MCC: variants seen among roughly 807,000 people sequenced by gnomAD.
MCC encodes the protein colorectal mutant cancer protein.
In MCC, 90 loss-of-function variants were observed where a neutral mutation model predicts 116.2. The ratio of observed to expected loss-of-function variants is 0.77; its 90% CI spans 0.65 to 0.92. MCC has a LOEUF of 0.92. Among genes scored for constraint, MCC ranks in the 40% least tolerant of loss-of-function variants. The probability of loss-of-function intolerance (pLI) is 0.00; values close to 1 mark genes in which losing one functional copy is unlikely to be tolerated. For synonymous variants in MCC, 578 were observed against 510.5 expected, an observed-to-expected ratio of 1.13 and a Z score of -1.78; for missense variants, 1,516 against 1,312.2, an observed-to-expected ratio of 1.16 and a Z score of -2.40.
At chr5:113,110,036 A>AACG (rs1370500919) in intron 6 of MCC, among the ~76,000 whole-genome samples, 3 of 151,808 alleles carry the variant, frequency 2.0e-5, no homozygotes, top group Non-Finnish European at 2.9e-5. Flanking sequence ...CCAGGCTAGG[A>AACG]ACGAACTCCT....
intron 8 of MCC, among the ~76,000 whole-genome samples, chr5:113,088,619 G>A (rs967606207): frequency 5.9e-5 from 9 of 151,932 alleles, no homozygotes; most frequent in African/African-American, 2.2e-4. Flanking sequence ...AGGGAAGAAG[G>A]TCCTGTGAAG....
chr5:113,086,904 C>T (rs1207585862), intron 8 of MCC, among the ~76,000 whole-genome samples: 2 of 152,210 alleles, frequency 1.3e-5, no homozygotes, highest in Non-Finnish European at 2.9e-5. Flanking sequence ...TCTGATTTAG[C>T]AGGGTCTGGA....
chr5:113,243,170 TTTTTG>T (rs962602248), intron 3 of MCC, among the ~76,000 whole-genome samples: 1 of 152,126 alleles, frequency 6.6e-6, no homozygotes, highest in Non-Finnish European at 1.5e-5. Context: ...GTTTTTGTTT[TTTTTG>T]TTTTGTTTTG....
chr5:113,223,258 T>C (rs1211362370), intron 3 of MCC, among the ~76,000 whole-genome samples: 1 of 152,214 alleles, frequency 6.6e-6, no homozygotes. Context: ...ATAAGCATGT[T>C]CTGTTTGTGA....
intron 11 of MCC, among the ~76,000 whole-genome samples, chr5:113,081,166 A>C (rs1261514566): frequency 1.3e-5 from 2 of 152,210 alleles, no homozygotes; most frequent in African/African-American, 4.8e-5. Flanking sequence ...AGCAGACATC[A>C]GGATATACTG....
At chr5:113,087,417 C>A (rs141120463) in intron 8 of MCC, among the ~76,000 whole-genome samples, 1 of 152,122 alleles carries the variant, frequency 6.6e-6, no homozygotes, top group Non-Finnish European at 1.5e-5. Flanking sequence ...AAAATATATC[C>A]CTGTAGAAGC....
intron 3 of MCC, among the ~76,000 whole-genome samples, chr5:113,175,194 C>T (rs148512196): frequency 2.3e-4 from 35 of 152,232 alleles, no homozygotes; most frequent in African/African-American, 7.9e-4. Context: ...AATAAATAGA[C>T]ATGTCAATAA....
chr5:113,089,932 C>T (rs1461591260), intron 8 of MCC, among the ~76,000 whole-genome samples: 3 of 152,212 alleles, frequency 2.0e-5, no homozygotes, highest in South Asian at 2.1e-4. Context: ...TGACAATGTC[C>T]GGAGCTGACA....
chr5:113,076,306 G>C (rs749633430), intron 11 of MCC, among the ~76,000 whole-genome samples: 4 of 152,020 alleles, frequency 2.6e-5, no homozygotes, highest in Non-Finnish European at 5.9e-5. Flanking sequence ...GAAATACAGA[G>C]AACACCACAA....
At chr5:113,386,569 T>C (rs1205673259) in intron 1 of MCC, among the ~76,000 whole-genome samples, 3 of 152,048 alleles carry the variant, frequency 2.0e-5, no homozygotes, top group East Asian at 3.8e-4. Flanking sequence ...CTCTTTATGG[T>C]GTTTCTAAAT....
At chr5:113,389,387 G>A (rs1183972866) in intron 1 of MCC, among the ~76,000 whole-genome samples, 2 of 152,044 alleles carry the variant, frequency 1.3e-5, no homozygotes, top group Non-Finnish European at 2.9e-5. Flanking sequence ...AAAATGTGGC[G>A]GAAATAAAAT....
intron 5 of MCC, among the ~76,000 whole-genome samples, chr5:113,129,377 C>A (rs1758292849): frequency 6.6e-6 from 1 of 152,198 alleles, no homozygotes; most frequent in Non-Finnish European, 1.5e-5. Context: ...TTTAAGAAAT[C>A]ATTGGTGATT....
intron 1 of MCC, among the ~76,000 whole-genome samples, chr5:113,467,837 C>G (rs1580414706): frequency 6.6e-6 from 1 of 152,066 alleles, no homozygotes; most frequent in East Asian, 1.9e-4. Context: ...TCTTGCATTT[C>G]TTTGTATCCT....
At chr5:113,152,306 G>A (rs555022341) in intron 3 of MCC, among the ~76,000 whole-genome samples, 7 of 152,238 alleles carry the variant, frequency 4.6e-5, no homozygotes, top group African/African-American at 1.7e-4. Context: ...TCAGGCCGAC[G>A]GATGGAACTA....
At chr5:113,245,494 T>C (rs1764540504) in intron 3 of MCC, among the ~76,000 whole-genome samples, 1 of 151,992 alleles carries the variant, frequency 6.6e-6, no homozygotes, top group Non-Finnish European at 1.5e-5. Context: ...AAGTAGAATT[T>C]AGTCCTTGCC....
At chr5:113,183,135 T>C (rs771115722) in intron 3 of MCC, among the ~76,000 whole-genome samples, 3 of 152,104 alleles carry the variant, frequency 2.0e-5, no homozygotes, top group Admixed American at 1.3e-4. Flanking sequence ...CCTCACGCAG[T>C]GGGGGCTCCA....
At chr5:113,486,720 G>A (rs994209734) in intron 1 of MCC, among the ~76,000 whole-genome samples, 5 of 151,976 alleles carry the variant, frequency 3.3e-5, no homozygotes, top group African/African-American at 1.2e-4. Flanking sequence ...GTGGGCACCT[G>A]TAATCCCAGC....
intron 8 of MCC, among the ~76,000 whole-genome samples, chr5:113,098,195 C>T (rs1248260290): frequency 2.6e-5 from 4 of 152,176 alleles, no homozygotes; most frequent in Non-Finnish European, 5.9e-5. Flanking sequence ...TTTGCCACAT[C>T]ATGGCTGACT....
intron 2 of MCC, among the ~76,000 whole-genome samples, chr5:113,378,861 T>C (rs762787357): frequency 2.0e-5 from 3 of 152,242 alleles, no homozygotes; most frequent in African/African-American, 7.2e-5. Flanking sequence ...TGCTAACATA[T>C]GTAAATATCT....
Sources: allele counts gnomAD v4.1 joint callset (sites outside exome capture counted in the v4.1 genomes callset), GRCh38; gene constraint gnomAD v4.1.1; transcripts MANE v1.5; gene names NCBI Gene and HGNC (gene_info 2026-07-23, HGNC 2026-07-21).